Variants in PIGL observed in about 807,000 individuals in gnomAD.
PIGL encodes phosphatidylinositol glycan anchor biosynthesis class L.
PIGL carries 22 observed loss-of-function variants against 31.1 expected under a neutral mutation model. The observed-to-expected ratio is 0.71, with a 90% CI of 0.51 to 1.01. The LOEUF is 1.01. Among genes scored for constraint, PIGL ranks in the 50% least tolerant of loss-of-function variants. PIGL has a pLI of 0.00. For missense variants in PIGL, 302 were observed against 315.9 expected (o/e 0.96, Z 0.33); for synonymous variants, 131 against 117.4 (o/e 1.12, Z -0.75).
At chr17:16,237,312 T>C (rs1568785985) in intron 2 of PIGL, among the ~76,000 whole-genome samples, 1 of 151,816 alleles carries the variant, frequency 6.6e-6, no homozygotes, top group Non-Finnish European at 1.5e-5. Flanking sequence ...TTCGCCATGT[T>C]GGCCAGGCTG....
intron 2 of PIGL, among the ~76,000 whole-genome samples, chr17:16,285,795 C>T (rs1428020559): frequency 6.6e-6 from 1 of 152,048 alleles, no homozygotes; most frequent in East Asian, 1.9e-4. Context: ...ATCTTTTCCC[C>T]TATTTCTTTT....
intron 2 of PIGL, among the ~76,000 whole-genome samples, chr17:16,274,956 C>T (rs1435494383): frequency 2.0e-5 from 3 of 151,096 alleles, no homozygotes; most frequent in African/African-American, 2.4e-5. Flanking sequence ...GGCTGGAACC[C>T]GGGAGGCAGA....
intron 3 of PIGL, among the ~76,000 whole-genome samples, chr17:16,301,147 T>A (rs1210012854): frequency 6.8e-6 from 1 of 147,892 alleles, no homozygotes; most frequent in Admixed American, 6.8e-5. Context: ...TTTTTTTTAA[T>A]TTTTTTTTTT....
intron 5 of PIGL, chr17:16,317,120 A>C (rs1600863941): frequency 9.7e-7 from 1 of 1,028,598 alleles, no homozygotes; most frequent in Non-Finnish European, 1.2e-6. Flanking sequence ...ATTTGACCCT[A>C]CCTGACCATT....
intron 1 of PIGL, among the ~76,000 whole-genome samples, chr17:16,228,153 G>T (rs1314136665): frequency 6.8e-6 from 1 of 147,790 alleles, no homozygotes; most frequent in Admixed American, 6.9e-5. Context: ...CCAGGTTCAA[G>T]CAATTCTCCT....
At chr17:16,316,077 G>A (rs1014797932) in intron 4 of PIGL, among the ~76,000 whole-genome samples, 1 of 152,056 alleles carries the variant, frequency 6.6e-6, no homozygotes, top group South Asian at 2.1e-4. Flanking sequence ...AACTTCTCTT[G>A]TTTAACCCCT....
At chr17:16,291,820 G>T (rs1215999243) in intron 2 of PIGL, among the ~76,000 whole-genome samples, 1 of 151,422 alleles carries the variant, frequency 6.6e-6, no homozygotes, top group Non-Finnish European at 1.5e-5. Context: ...AGCTGAGATT[G>T]TGCCACTGTA....
Position 16,313,598 on chromosome 17 carries a change from C to G in PIGL, c.478C>G (p.Leu160Val). The change falls in exon 4 of 7, where the codon CTG becomes GTG. Residue 160 changes from leucine to valine, a missense_variant. Leu to Val is a conservative substitution (Grantham distance 32, BLOSUM62 1). Transcript: ENST00000225609. ...GVSGHSNHIA[L>V]YAAVRALHSE... ...AAGTGGCCACAGCAATCACATTGCT[C>G]TGTATGCAGCTGTGAGGTATGATTC... 6.2e-7 allele frequency: 1 copy of G among 1,611,896 alleles called. No individual in the cohort carries two copies. Among genetic ancestry groups the G allele is most frequent in the Non-Finnish European group, 8.5e-7 (1 of 1,177,962 alleles).
intron 2 of PIGL, among the ~76,000 whole-genome samples, chr17:16,265,702 T>C (rs1305878406): frequency 6.6e-6 from 1 of 151,244 alleles, no homozygotes; most frequent in Non-Finnish European, 1.5e-5. Context: ...ATCGCACCAC[T>C]GCACTCGTAG....
chr17:16,247,703 T>G (rs891649155), intron 2 of PIGL, among the ~76,000 whole-genome samples: 2 of 152,218 alleles, frequency 1.3e-5, no homozygotes, highest in Non-Finnish European at 2.9e-5. Flanking sequence ...TGCAGCCAGA[T>G]AGCTCTGTTG....
intron 2 of PIGL, 61 bp from the exon 3 acceptor site, chr17:16,299,827 G>A (rs1278314522): frequency 1.6e-6 from 2 of 1,225,666 alleles, no homozygotes; most frequent in Non-Finnish European, 2.4e-6. Flanking sequence ...ACCTACTGGA[G>A]CTTAGGGAGA....
intron 2 of PIGL, among the ~76,000 whole-genome samples, chr17:16,237,886 T>C (rs2092706164): frequency 6.6e-6 from 1 of 151,870 alleles, no homozygotes; most frequent in African/African-American, 2.4e-5. Context: ...AATTACTTAT[T>C]TTCTTCTTTA....
At chr17:16,311,461 T>C (rs1233729970) in intron 3 of PIGL, among the ~76,000 whole-genome samples, 1 of 63,200 alleles carries the variant, frequency 1.6e-5, no homozygotes, top group Non-Finnish European at 3.1e-5. Flanking sequence ...CACAGAGGTT[T>C]TCTTTCTTTT....
At chr17:16,287,258 T>G (rs1183420795) in intron 2 of PIGL, among the ~76,000 whole-genome samples, 3 of 152,204 alleles carry the variant, frequency 2.0e-5, no homozygotes, top group African/African-American at 4.8e-5. Context: ...CCAAGCGGGC[T>G]CAACTCTGAA....
intron 2 of PIGL, among the ~76,000 whole-genome samples, chr17:16,250,397 A>G (rs1192040993): frequency 6.6e-6 from 1 of 152,208 alleles, no homozygotes; most frequent in African/African-American, 2.4e-5. Context: ...CTTGGAACAT[A>G]TCATCCACAG....
chr17:16,272,616 T>A (rs2092877497), intron 2 of PIGL, among the ~76,000 whole-genome samples: 1 of 152,226 alleles, frequency 6.6e-6, no homozygotes, highest in Non-Finnish European at 1.5e-5. Flanking sequence ...TCCTACTACT[T>A]CTCGCTGCCA....
At chr17:16,291,521 A>AAAAGAAAG (rs375596278) in intron 2 of PIGL, among the ~76,000 whole-genome samples, 1 of 140,146 alleles carries the variant, frequency 7.1e-6, no homozygotes, top group Non-Finnish European at 1.5e-5. Context: ...AAAAAAAAAA[A>AAAAGAAAG]AAAGAAAGAA....
chr17:16,255,554 A>G (rs1600784461), intron 2 of PIGL, among the ~76,000 whole-genome samples: 2 of 152,324 alleles, frequency 1.3e-5, no homozygotes, highest in East Asian at 3.9e-4. Context: ...AAATCGTAAC[A>G]GGGAAAGAGA....
At chr17:16,258,077 GAGAGAGAGAGAGAGAGAGAGAGAGAA>G (rs1391053777) in intron 2 of PIGL, among the ~76,000 whole-genome samples, 21 of 123,526 alleles carry the variant, frequency 1.7e-4, no homozygotes, top group South Asian at 2.7e-4. Context: ...GAAAGAGAGA[GAGAGAGAGAGAGAGAGAGAGAGAGAA>G]AGAGAGAGAG....
Sources: allele counts gnomAD v4.1 joint callset (sites outside exome capture counted in the v4.1 genomes callset), GRCh38; gene constraint gnomAD v4.1.1; transcripts MANE v1.5; gene names NCBI Gene and HGNC (gene_info 2026-07-23, HGNC 2026-07-21).